Variants in MXRA5 observed in about 807,000 individuals in gnomAD.
MXRA5 encodes matrix-remodeling-associated protein 5.
MXRA5 carries 41 observed loss-of-function variants against 112.5 expected under a neutral mutation model. That is an observed-to-expected ratio of 0.36 (90% CI 0.28 to 0.47). The LOEUF is 0.47. MXRA5 is among the 20% of genes least tolerant of loss of function. The probability of loss-of-function intolerance (pLI) is 0.99; values close to 1 mark genes in which losing one functional copy is unlikely to be tolerated. For missense variants in MXRA5, 2,150 were observed against 2,251.0 expected (o/e 0.96, Z 0.91); for synonymous variants, 862 against 900.8 (o/e 0.96, Z 0.77).
Position 3,324,350 on chromosome X carries a change from C to G in MXRA5, c.1335G>C (p.Gln445His), listed in dbSNP as rs1401626844. Residue 445 changes from glutamine to histidine, a missense_variant, in exon 5 of 7, where the codon CAG becomes CAC. By Grantham distance (24) the Gln-to-His change is conservative (BLOSUM62 0). Coordinates refer to ENST00000217939, the MANE Select transcript of MXRA5 (RefSeq NM_015419.4). ...AAAGTAGCACCTTCTTGGCCGTACT[C>G]TGACGTCGGTTCAGCTGGATATCTA... ...PSIDIQLNRR[Q>H]STAKKVLLSY... is the part of the protein sequence containing the mutation. The G allele has an allele frequency of 8.3e-7, 1 of 1,209,563 alleles. No individual in the cohort carries two copies. The highest frequency in any genetic ancestry group is 3.0e-5 in the East Asian group (1 of 33,748).
At chrX:3,337,000 GACTAGAAAGGTAAAAATA>G (rs1296574584) in intron 2 of MXRA5, among the ~76,000 whole-genome samples, 4 of 111,819 alleles carry the variant, frequency 3.6e-5, no homozygotes, top group Non-Finnish European at 7.5e-5. Context: ...CAAGAAGCAT[GACTAGAAAGGTAAAAATA>G]ATGAAAAAGA....
At position 3,346,522 on chromosome X, in the gene MXRA5, T is replaced by C; in HGVS notation, c.-36A>G. 2.7e-6 allele frequency: 2 copies of C among 753,852 alleles called. No homozygotes were observed. The highest frequency in any genetic ancestry group is 3.1e-6 in the Non-Finnish European group (2 of 639,103). The allele number at this position is 753,852 out of a possible 1,213,427, so 62.1% of individuals were successfully genotyped here. ...GCCACCCTGGGTCCTCACCTGTCCTTGGGAAGCCGCCGCACACGGGAGCGG... is the reference window on the plus strand; with the variant it reads ...GCCACCCTGGGTCCTCACCTGTCCTCGGGAAGCCGCCGCACACGGGAGCGG... On this transcript the variant is annotated 5_prime_UTR_variant, in exon 1 of 7. Transcript: ENST00000217939.
At chrX:3,341,157 A>G (rs1392245409) in intron 2 of MXRA5, among the ~76,000 whole-genome samples, 7 of 7,133 alleles carry the variant, frequency 9.8e-4, no homozygotes, top group African/African-American at 1.5e-3. Flanking sequence ...TATATTATAT[A>G]TTATATATTA....
chrX:3,310,395 A>G lies in MXRA5; in HGVS notation c.7808T>C (p.Ile2603Thr). The G allele has an allele frequency of 8.3e-7, 1 of 1,204,952 alleles. No individual in the cohort carries two copies. The highest frequency in any genetic ancestry group is 1.1e-6 in the Non-Finnish European group (1 of 891,947). Residue 2603 changes from isoleucine (I) to threonine (T), a missense_variant, in exon 7 of 7, where the codon ATT becomes ACT. Physicochemically the swap from Ile to Thr is moderately conservative, Grantham distance 89. Coordinates refer to ENST00000217939, the MANE Select transcript of MXRA5 (RefSeq NM_015419.4). ...FYHKADGMLH[I>T]SGLSSVDAGA... ...GGCGTCCACCGAGGAGAGACCGCTA[A>G]TGTGTAGCATGCCGTCAGCCTTGTG...
At position 3,321,804 on chromosome X, in the gene MXRA5, T is replaced by A; in HGVS notation, c.3881A>T (p.Asp1294Val). 2.5e-6 allele frequency: 3 copies of A among 1,210,672 alleles called. No individual in the cohort carries two copies. Among genetic ancestry groups the A allele is most frequent in the African/African-American group, 3.5e-5 (2 of 57,790 alleles). Reference protein sequence around the residue: ...LKTEGPYDSLDYMTTTRKIYS... With the variant: ...LKTEGPYDSLVYMTTTRKIYS... ...TATTTTTCTGGTGGTTGTCATGTAATCTAAGGAATCATAAGGGCCCTCAGT... is the reference window on the plus strand; with the variant it reads ...TATTTTTCTGGTGGTTGTCATGTAAACTAAGGAATCATAAGGGCCCTCAGT... Residue 1294 changes from aspartate to valine, a missense_variant, in exon 5 of 7, where the codon GAT becomes GTT. Coordinates refer to ENST00000217939, the MANE Select transcript of MXRA5 (RefSeq NM_015419.4).
intron 1 of MXRA5, among the ~76,000 whole-genome samples, chrX:3,344,278 A>G (rs1922057677): frequency 8.9e-6 from 1 of 111,998 alleles, no homozygotes; most frequent in Non-Finnish European, 1.9e-5. Context: ...TATATTGCAT[A>G]TATTTGAATT....
At chrX:3,336,709 T>C (rs892171686) in intron 2 of MXRA5, among the ~76,000 whole-genome samples, 13 of 112,580 alleles carry the variant, frequency 1.2e-4, no homozygotes, top group Non-Finnish European at 2.4e-4. Flanking sequence ...AATTTTACTT[T>C]AAAAAATTGC....
rs758222895 is a variant in MXRA5, at chrX:3,330,169, C to T, written c.558G>A (p.Arg186=). 2.5e-6 allele frequency: 3 copies of T among 1,209,036 alleles called. No individual in the cohort carries two copies. The South Asian group carries it at 5.3e-5, about 21-fold the overall frequency. Residue 186 remains arginine (R), a synonymous_variant, in exon 4 of 7, where the codon AGG becomes AGA. Transcript: ENST00000217939. The part of the protein sequence containing the change: ...FLDYFRLSTI[R]HLYLAENMVR... ...CCATGTTCTCTGCTAAGTAGAGGTG[C>T]CTTATGGTGGAGAGTCTGAAATAAT...
intron 2 of MXRA5, among the ~76,000 whole-genome samples, chrX:3,331,459 G>A (rs1457075016): frequency 1.8e-5 from 2 of 111,811 alleles, no homozygotes; most frequent in Non-Finnish European, 3.8e-5. Flanking sequence ...CTGTGCTGAA[G>A]TGACAGTAAT....
At chrX:3,316,238 CG>C (rs1235106120) in intron 6 of MXRA5, among the ~76,000 whole-genome samples, 2 of 33,259 alleles carry the variant, frequency 6.0e-5, no homozygotes, top group Non-Finnish European at 1.0e-4. Context: ...GGCGTGAACC[CG>C]GGAGGCGGAG....
In MXRA5 at chrX:3,321,507, G is replaced by T. The variant is rs1488440112; in HGVS notation, c.4178C>A (p.Thr1393Lys). Residue 1393 changes from threonine to lysine, a missense_variant, in exon 5 of 7, where the codon ACA becomes AAA. Physicochemically the swap from Thr to Lys is moderately conservative, Grantham distance 78. Around this residue, in one of 6 missense-constraint regions of MXRA5, gnomAD observed 1,485 missense variants for 1,471.6 expected, o/e 1.01. Transcript: ENST00000217939. ...SRTAQPGRLQ[T>K]GIPVTTSGEN... ...CCCAGAAGTGGTAACAGGTATGCCTGTCTGTAGCCTCCCAGGCTGGGCCGT... is the reference window on the plus strand; with the variant it reads ...CCCAGAAGTGGTAACAGGTATGCCTTTCTGTAGCCTCCCAGGCTGGGCCGT... 8.3e-7 allele frequency: 1 copy of T among 1,211,055 alleles called. No homozygotes were observed.
chrX:3,317,386 A>G lies in MXRA5; in HGVS notation c.6295T>C (p.Leu2099=), dbSNP rs769151500. 3.3e-6 allele frequency: 4 copies of G among 1,208,769 alleles called. No individual in the cohort carries two copies. The highest frequency in any genetic ancestry group is 3.4e-6 in the Non-Finnish European group (3 of 894,356). ...AGCGTCCCGTTGGGGAAAACAAACA[A>G]GTTCCCGTGGAGGAACTGCGAGGGG... ...IRPSQFLHGN[L]FVFPNGTLYI... The change falls in exon 6 of 7, where the codon TTG becomes CTG. Residue 2099 remains leucine, a synonymous_variant. Coordinates refer to ENST00000217939, the MANE Select transcript of MXRA5 (RefSeq NM_015419.4).
In MXRA5 at chrX:3,321,087, T is replaced by C. The variant is rs200269116; in HGVS notation, c.4598A>G (p.Tyr1533Cys). Reference protein sequence around the residue: ...RDSKENVFLNYVGNPETEATP... With the variant: ...RDSKENVFLNCVGNPETEATP... Reference sequence around the variant, plus strand: ...TGCTTCTGTTTCTGGATTCCCCACATAATTCAAGAAAACATTTTCCTTGGA... The same window carrying C: ...TGCTTCTGTTTCTGGATTCCCCACACAATTCAAGAAAACATTTTCCTTGGA... Residue 1533 changes from tyrosine (Y) to cysteine (C), a missense_variant, in exon 5 of 7, where the codon TAT (tyrosine) becomes TGT (cysteine). This residue lies in a region of MXRA5 where 1,485 missense variants were observed against 1,471.6 expected (regional missense o/e 1.01). Coordinates refer to ENST00000217939, the MANE Select transcript of MXRA5 (RefSeq NM_015419.4). 911 of 1,210,164 alleles carry C rather than the reference T, an allele frequency of 7.5e-4. 6 individuals are homozygous for C. In the South Asian group the frequency reaches 0.011, roughly 14 times the overall value.
rs1201723818 is a variant in MXRA5 at position 3,325,075 on chromosome X, C to T, written c.710-100G>A. On this transcript the variant is annotated intron_variant, in intron 4 of 6. Coordinates refer to ENST00000217939, the MANE Select transcript of MXRA5 (RefSeq NM_015419.4). ...AAGCCTATGTTTGCATCTTTATCACCCAGCTGTAATCCCATAAACAAGGAA... is the reference window on the plus strand; with the variant it reads ...AAGCCTATGTTTGCATCTTTATCACTCAGCTGTAATCCCATAAACAAGGAA... The T allele has an allele frequency of 6.2e-6, 6 of 965,980 alleles. No homozygotes were observed. In the Admixed American group the frequency reaches 1.7e-4, roughly 27 times the overall value. 79.6% of individuals were successfully genotyped at this position (965,980 alleles called of 1,213,427 possible). A position where few individuals can be genotyped will look rare whatever the true frequency, so the allele number is the denominator to read the frequency against.
At position 3,323,582 on chromosome X, in the gene MXRA5, G is replaced by A. The variant is rs1454152280; in HGVS notation, c.2103C>T (p.Gly701=). 4 of 1,210,363 alleles carry A rather than the reference G, an allele frequency of 3.3e-6. No homozygotes were observed. Among genetic ancestry groups the A allele is most frequent in the Admixed American group, 4.4e-5 (2 of 45,896 alleles). Residue 701 remains glycine, a synonymous_variant, in exon 5 of 7, where the codon GGC becomes GGT. Coordinates refer to ENST00000217939, the MANE Select transcript of MXRA5 (RefSeq NM_015419.4). ...VREDIVEDEG[G]SGMGDEENTS... Reference sequence around the variant, plus strand: ...TGTTCTCTTCATCTCCCATGCCCGAGCCCCCTTCATCCTCCACGATGTCTT... The same window carrying A: ...TGTTCTCTTCATCTCCCATGCCCGAACCCCCTTCATCCTCCACGATGTCTT...
rs758364521 is a variant in MXRA5, at chrX:3,330,006, C to T, written c.709+12G>A. ...GTGCAGCTAGGAGTGGTCTGCTCTC[C>T]TCTCTTCTTACCTCTGGATTTTGCA... On this transcript the variant is annotated intron_variant, in intron 4 of 6. Transcript: ENST00000217939. The T allele has an allele frequency of 4.1e-6, 5 of 1,205,171 alleles. 1 individual carries two copies. In the South Asian group the frequency reaches 7.2e-5, roughly 17 times the overall value.
chrX:3,335,534 T>C (rs755297998), intron 2 of MXRA5, among the ~76,000 whole-genome samples: 32 of 112,423 alleles, frequency 2.8e-4, no homozygotes, highest in African/African-American at 1.0e-3. Context: ...TATTTCTTCT[T>C]ATTTAAACAC....
intron 2 of MXRA5, among the ~76,000 whole-genome samples, chrX:3,336,171 A>C (rs1341831235): frequency 8.9e-6 from 1 of 111,998 alleles, no homozygotes; most frequent in East Asian, 2.8e-4. Context: ...CCTTATGAGA[A>C]TCTAATGCCT....
At position 3,323,884 on chromosome X, in the gene MXRA5, C is replaced by A. The variant is rs758173948; in HGVS notation, c.1801G>T (p.Ala601Ser). Residue 601 changes from alanine (A) to serine (S), a missense_variant, in exon 5 of 7, where the codon GCT (alanine) becomes TCT (serine). Ala to Ser is a moderately conservative substitution (Grantham distance 99). Transcript: ENST00000217939. ...AGGTGGGCTTCGGGTATTGCTAAAG[C>A]ATTGCAAGGCAATGTCACCGACTCC... ...PGESVTLPCN[A>S]LAIPEAHLSW... 1 of 1,207,432 alleles carries A rather than the reference C, an allele frequency of 8.3e-7. No individual in the cohort carries two copies. The highest frequency in any genetic ancestry group is 1.1e-6 in the Non-Finnish European group (1 of 892,902).
Sources: allele counts gnomAD v4.1 joint callset (sites outside exome capture counted in the v4.1 genomes callset), GRCh38; gene constraint gnomAD v4.1.1; regional missense constraint gnomAD v4.1.1; transcripts MANE v1.5; gene names NCBI Gene and HGNC (gene_info 2026-07-23, HGNC 2026-07-21).